The following TTC7A variants were observed in gnomAD, a reference collection of about 807,000 sequenced individuals.
The protein encoded by TTC7A is tetratricopeptide repeat domain 7A.
TTC7A carries 110 observed loss-of-function variants against 103.7 expected under a neutral mutation model. The observed-to-expected ratio is 1.06, with a 90% CI of 0.91 to 1.24. TTC7A has a LOEUF of 1.24. Among genes scored for constraint, TTC7A ranks in the 50% most tolerant of loss-of-function variants. TTC7A has a pLI of 0.00. For missense variants in TTC7A, 1,340 were observed against 1,116.3 expected, an observed-to-expected ratio of 1.20 and a Z score of -2.86; for synonymous variants, 521 against 467.9, an observed-to-expected ratio of 1.11 and a Z score of -1.47.
Position 46,956,554 on chromosome 2 carries a change from GC to G in TTC7A, c.349-283del, listed in dbSNP as rs1427806039. On this transcript the variant is annotated intron_variant, in intron 2 of 19. Coordinates refer to ENST00000319190, the MANE Select transcript of TTC7A (RefSeq NM_020458.4). ...GGGGATTCAGGAGAGGGAAGACAGG[GC>G]CTAGTCTGCAAGGTCTCTGGAGTCT... 22 of 391,056 alleles carry G rather than the reference GC, an allele frequency of 5.6e-5. 1 individual carries two copies. Among genetic ancestry groups the G allele is most frequent in the South Asian group, 3.8e-4 (10 of 26,352 alleles). The allele number at this position is 391,056 out of a possible 1,614,324, so 24.2% of individuals were successfully genotyped here.
At chr2:46,954,882 T>A (rs547888944) in intron 2 of TTC7A, among the ~76,000 whole-genome samples, 5 of 152,270 alleles carry the variant, frequency 3.3e-5, no homozygotes, top group East Asian at 1.9e-4. Context: ...AGCATTTTTT[T>A]AAATAGTGTA....
At chr2:47,015,712 T>C (rs1558580135) in intron 11 of TTC7A, among the ~76,000 whole-genome samples, 1 of 152,058 alleles carries the variant, frequency 6.6e-6, no homozygotes, top group African/African-American at 2.4e-5. Context: ...CCCTTGAAAA[T>C]AGCAGGCACA....
intron 18 of TTC7A, among the ~76,000 whole-genome samples, chr2:47,052,347 TG>T (rs1402744476): frequency 6.6e-6 from 1 of 152,128 alleles, no homozygotes; most frequent in African/African-American, 2.4e-5. Flanking sequence ...CAGCCAGTGT[TG>T]GGGAGGCAGG....
In TTC7A at chr2:47,073,696, C is replaced by T. The variant is rs761311164; in HGVS notation, c.2356-6C>T. On this transcript the variant is annotated splice_polypyrimidine_tract_variant and splice_region_variant and intron_variant, in intron 19 of 19. Coordinates refer to ENST00000319190, the MANE Select transcript of TTC7A (RefSeq NM_020458.4). ...CTACTCACCCTGCCCTGTGCTTCGTCCACAGGGTCTGATGCTGAGTCGGCT... is the reference window on the plus strand; with the variant it reads ...CTACTCACCCTGCCCTGTGCTTCGTTCACAGGGTCTGATGCTGAGTCGGCT... 5.6e-6 allele frequency: 9 copies of T among 1,613,312 alleles called. No homozygotes were observed. Among genetic ancestry groups the T allele is most frequent in the Non-Finnish European group, 7.6e-6 (9 of 1,179,686 alleles).
chr2:46,990,284 T>C (rs1675494977), intron 5 of TTC7A, among the ~76,000 whole-genome samples: 1 of 152,256 alleles, frequency 6.6e-6, no homozygotes, highest in African/African-American at 2.4e-5. Context: ...TTAGCTGGCC[T>C]GGCCTGTGGC....
chr2:46,991,922 T>C (rs561425005), intron 5 of TTC7A, among the ~76,000 whole-genome samples: 19 of 152,312 alleles, frequency 1.2e-4, no homozygotes, highest in African/African-American at 4.3e-4. Flanking sequence ...AGGGTCCATC[T>C]TGCTTGCGTG....
chr2:46,948,734 A>C (rs1205851964), intron 1 of TTC7A, among the ~76,000 whole-genome samples: 3 of 152,126 alleles, frequency 2.0e-5, no homozygotes, highest in Non-Finnish European at 4.4e-5. Flanking sequence ...AGCTGGGACT[A>C]CAGGCTTGCA....
intron 15 of TTC7A, among the ~76,000 whole-genome samples, chr2:47,043,516 G>T (rs1483771750): frequency 6.6e-6 from 1 of 152,152 alleles, no homozygotes; most frequent in Non-Finnish European, 1.5e-5. Flanking sequence ...CAGCGCCCAA[G>T]GTCATGGGGA....
chr2:47,017,252 T>G (rs969775790), intron 11 of TTC7A, among the ~76,000 whole-genome samples: 1 of 139,662 alleles, frequency 7.2e-6, no homozygotes, highest in Non-Finnish European at 1.5e-5. Context: ...TGGTAGGTCA[T>G]GCCTATCATC....
In TTC7A at chr2:47,024,298, T is replaced by C. The variant is rs1679632817; in HGVS notation, c.1580T>C (p.Leu527Pro). ...ALQTLERAQQ[L>P]APSDPQVILY... ...CTCTCCCCACACAGGGCTCAGCAGC[T>C]GGCGCCCAGTGACCCCCAGGTCATC... Residue 527 changes from leucine to proline, a missense_variant, in exon 14 of 20, where the codon CTG (leucine) becomes CCG (proline). Leu to Pro is a moderately conservative substitution (Grantham distance 98, BLOSUM62 -3). Coordinates refer to ENST00000319190, the MANE Select transcript of TTC7A (RefSeq NM_020458.4). The C allele has an allele frequency of 1.2e-6, 2 of 1,606,918 alleles. No homozygotes were observed. Among genetic ancestry groups the C allele is most frequent in the African/African-American group, 1.3e-5 (1 of 74,656 alleles).
At chr2:47,038,478 A>G (rs1354839107) in intron 15 of TTC7A, among the ~76,000 whole-genome samples, 1 of 152,200 alleles carries the variant, frequency 6.6e-6, no homozygotes, top group African/African-American at 2.4e-5. Context: ...GACTCAGAGA[A>G]TAGCCTGCTT....
intron 12 of TTC7A, 109 bp from the exon 13 acceptor site, chr2:47,023,299 C>A (rs559783120): frequency 8.5e-7 from 1 of 1,182,266 alleles, no homozygotes; most frequent in Non-Finnish European, 1.2e-6. Context: ...CAGATGGGAC[C>A]CTGGTGGGGC....
At chr2:46,932,037 C>T (rs1041214965) in intron 2 of TTC7A, among the ~76,000 whole-genome samples, 2 of 151,914 alleles carry the variant, frequency 1.3e-5, no homozygotes, top group Non-Finnish European at 2.9e-5. Flanking sequence ...AAGAAGTATT[C>T]GTAAAATTCA....
chr2:47,023,833 A>G (rs557369734), intron 13 of TTC7A, among the ~76,000 whole-genome samples: 27 of 152,122 alleles, frequency 1.8e-4, no homozygotes, highest in African/African-American at 6.3e-4. Context: ...ACCTCCTTCT[A>G]GCTCCTCCCC....
In TTC7A at chr2:47,005,951, G is replaced by A; in HGVS notation, c.1095G>A (p.Val365=). 3 of 1,614,140 alleles carry A rather than the reference G, an allele frequency of 1.9e-6. No homozygotes were observed. Among genetic ancestry groups the A allele is most frequent in the Non-Finnish European group, 2.5e-6 (3 of 1,180,026 alleles). Residue 365 remains valine (V), a synonymous_variant, in exon 9 of 20, where the codon GTG becomes GTA. Transcript: ENST00000319190. ...CTCGAGATGTGGTGCTGAGCCGGGT[G>A]CCGGAGCAGGAGGAGGACCGGACAG... ...MATRDVVLSR[V]PEQEEDRTVS...
chr2:46,981,345 T>G (rs1290454723), intron 5 of TTC7A, among the ~76,000 whole-genome samples: 1 of 151,970 alleles, frequency 6.6e-6, no homozygotes, highest in East Asian at 1.9e-4. Context: ...TTATCTCCCT[T>G]CCCCACAAAG....
At chr2:46,959,659 G>A (rs1344180869) in intron 3 of TTC7A, among the ~76,000 whole-genome samples, 1 of 152,196 alleles carries the variant, frequency 6.6e-6, no homozygotes, top group Non-Finnish European at 1.5e-5. Flanking sequence ...CATCAGAGCA[G>A]AGGGACTTGC....
In TTC7A at chr2:46,941,781, C is replaced by T; in HGVS notation, c.184+56C>T. ...AGCGAGCGCGCGAAACGCACCGCCT[C>T]CTCCAGGAAGCGCGCCCAGACAGTC... On this transcript the variant is annotated intron_variant, in intron 1 of 19. Transcript: ENST00000319190. This position sits in a 1 kb window ranked among gnomAD's most constrained non-coding sequence, Gnocchi z 4.2. 6.5e-7 allele frequency: 1 copy of T among 1,544,236 alleles called. No homozygotes were observed. Among genetic ancestry groups the T allele is most frequent in the East Asian group, 2.5e-5 (1 of 40,806 alleles).
chr2:47,015,931 C>T (rs1028654186), intron 11 of TTC7A, among the ~76,000 whole-genome samples: 14 of 152,142 alleles, frequency 9.2e-5, no homozygotes, highest in Non-Finnish European at 1.9e-4. Flanking sequence ...CAGCAGGTTC[C>T]GGGCTCGTGG....
Sources: allele counts gnomAD v4.1 joint callset (sites outside exome capture counted in the v4.1 genomes callset), GRCh38; gene constraint gnomAD v4.1.1; non-coding constraint Gnocchi (gnomAD v3.1); transcripts MANE v1.5; gene names NCBI Gene and HGNC (gene_info 2026-07-23, HGNC 2026-07-21).